SETD2: variants seen among roughly 807,000 people sequenced by gnomAD.
SETD2 encodes histone-lysine N-methyltransferase SETD2.
A neutral mutation model predicts 242.1 loss-of-function variants in SETD2; 31 were observed. That is an observed-to-expected ratio of 0.13 (90% confidence interval 0.10 to 0.17). The LOEUF (loss-of-function observed/expected upper bound fraction) is 0.17, where lower values mean the gene tolerates loss of function less well. Ranked by LOEUF, SETD2 falls within the 10% of genes least tolerant of loss-of-function variation. The probability of loss-of-function intolerance (pLI) is 1.00; values close to 1 mark genes in which losing one functional copy is unlikely to be tolerated. For missense variants in SETD2, 2,481 were observed against 3,046.3 expected (o/e 0.81, Z 4.37); for synonymous variants, 1,006 against 1,066.5 (o/e 0.94, Z 1.11).
intron 14 of SETD2, among the ~76,000 whole-genome samples, chr3:47,058,829 C>G (rs2040199395): frequency 6.6e-6 from 1 of 151,570 alleles, no homozygotes; most frequent in South Asian, 2.1e-4. Context: ...GAGTCTCACT[C>G]TGTTGCCCAG....
rs757428064 is a variant in SETD2, at chr3:47,086,234, T to C, written c.5358A>G (p.Leu1786=). 35 of 1,613,166 alleles carry C rather than the reference T, an allele frequency of 2.2e-5. 1 individual carries two copies. The highest frequency in any genetic ancestry group is 2.2e-5 in the East Asian group (1 of 44,852). The change falls in exon 11 of 21, where the codon CTA becomes CTG. Residue 1786 remains leucine, a synonymous_variant. Coordinates refer to ENST00000409792, the MANE Select transcript of SETD2 (RefSeq NM_014159.7). ...TCTGGTTACTTTCCCGGCCGTCACC[T>C]AGCTCTGCCATCCAGATCCACAACA... ...LSLLWIWMAE[L]GDGRESNQKL...
chr3:47,140,877 A>T (rs1300977845), intron 1 of SETD2, among the ~76,000 whole-genome samples: 1 of 152,138 alleles, frequency 6.6e-6, no homozygotes, highest in African/African-American at 2.4e-5. Context: ...AAAAAATTAA[A>T]ATTAAAATTA....
At chr3:47,049,745 T>TTA (rs1553682292) in intron 15 of SETD2, among the ~76,000 whole-genome samples, 2 of 39,380 alleles carry the variant, frequency 5.1e-5, no homozygotes, top group Non-Finnish European at 1.2e-4. Context: ...ATATTATATA[T>TTA]TATATATATA....
intron 1 of SETD2, among the ~76,000 whole-genome samples, chr3:47,137,908 C>T (rs959208603): frequency 4.6e-5 from 7 of 151,794 alleles, no homozygotes; most frequent in Admixed American, 3.9e-4. Flanking sequence ...AGGCTGGTCT[C>T]GAACTCCTGA....
intron 12 of SETD2, among the ~76,000 whole-genome samples, chr3:47,077,715 G>T (rs1412148169): frequency 6.6e-6 from 1 of 152,170 alleles, no homozygotes; most frequent in African/African-American, 2.4e-5. Flanking sequence ...CCAACGCGAG[G>T]AACAAGAGAT....
In SETD2 at chr3:47,123,841, T is replaced by C; in HGVS notation, c.795A>G (p.Glu265=). The change falls in exon 3 of 21, where the codon GAA becomes GAG. Residue 265 remains glutamate, a synonymous_variant. Transcript: ENST00000409792. ...KQDTISNSLE[E]HVTQILNEQA... ...GCTCATTCAATATTTGAGTTACGTG[T>C]TCTTCTAAACTATTAGATATAGTGT... The C allele has an allele frequency of 6.5e-7, 1 of 1,549,092 alleles. No individual in the cohort carries two copies. The highest frequency in any genetic ancestry group is 1.4e-5 in the African/African-American group (1 of 73,036).
intron 1 of SETD2, among the ~76,000 whole-genome samples, chr3:47,158,224 T>C (rs561957095): frequency 6.6e-6 from 1 of 152,232 alleles, no homozygotes. Flanking sequence ...CAATGTGTCA[T>C]ATTGCTTAGT....
intron 5 of SETD2, among the ~76,000 whole-genome samples, chr3:47,111,079 T>TAAAAAAAAAAAAAAAAAAAAAAAAA: frequency 1.3e-5 from 1 of 78,816 alleles, no homozygotes; most frequent in Non-Finnish European, 2.3e-5. Flanking sequence ...GTGGTTCCTT[T>TAAAAAAAAAAAAAAAAAAAAAAAAA]AAAAAAAAAA....
chr3:47,118,438 T>C (rs1459652401), intron 3 of SETD2, among the ~76,000 whole-genome samples: 1 of 152,108 alleles, frequency 6.6e-6, no homozygotes, highest in Admixed American at 6.5e-5. Context: ...TTTGAATATA[T>C]AGGCCAGGCG....
Position 47,063,441 on chromosome 3 carries a change from C to A in SETD2, c.6110-1095G>T, listed in dbSNP as rs542408804. 7.9e-5 allele frequency among the ~76,000 whole-genome samples: 12 copies of A among 152,212 alleles called. No homozygotes were observed. In the East Asian group the frequency reaches 2.3e-3, roughly 29 times the overall value. On this transcript the variant is annotated intron_variant, in intron 13 of 20. Transcript: ENST00000409792. ...GCAATGAGCTCTGTTTACACCACTG[C>A]GCTTCAGCCTGGGCAACAGAGCAAG...
intron 15 of SETD2, among the ~76,000 whole-genome samples, chr3:47,052,156 C>A (rs756770313): frequency 6.6e-6 from 1 of 152,022 alleles, no homozygotes; most frequent in Non-Finnish European, 1.5e-5. Flanking sequence ...AAAACCTATA[C>A]GAGATTTTTG....
At chr3:47,052,667 A>G (rs539260896) in intron 15 of SETD2, among the ~76,000 whole-genome samples, 30 of 151,994 alleles carry the variant, frequency 2.0e-4, no homozygotes, top group African/African-American at 7.2e-4. Flanking sequence ...AAATACAAAA[A>G]ATTAGCTAGG....
intron 15 of SETD2, among the ~76,000 whole-genome samples, chr3:47,053,406 GA>G (rs1030707106): frequency 3.3e-5 from 5 of 152,094 alleles, no homozygotes; most frequent in African/African-American, 1.2e-4. Context: ...AACCTAAAAT[GA>G]AAAATTATAG....
In SETD2 at chr3:47,077,921, T is replaced by C. The variant is rs536219806; in HGVS notation, c.6060+5799A>G. Among the ~76,000 whole-genome samples the C allele has an allele frequency of 1.8e-3, 279 of 152,340 alleles. 1 individual carries two copies. Among genetic ancestry groups the C allele is most frequent in the African/African-American group, 6.2e-3 (256 of 41,576 alleles). On this transcript the variant is annotated intron_variant, in intron 12 of 20. Transcript: ENST00000409792. Reference sequence around the variant, plus strand: ...AGTAAATAATGAAGTTAATGGATTATAATCTATTGGGTAAAATAAGAATCT... The same window carrying C: ...AGTAAATAATGAAGTTAATGGATTACAATCTATTGGGTAAAATAAGAATCT...
In SETD2 at chr3:47,088,279, A is replaced by AAAC. The variant is rs747283239; in HGVS notation, c.5143-35_5143-33dup. 406 of 1,568,470 alleles carry AAAC rather than the reference A, an allele frequency of 2.6e-4. No homozygotes were observed. The African/African-American group carries it at 4.6e-3, about 18-fold the overall frequency. The stretch of plus-strand genomic sequence containing the variant: ...CAGCAAATAAAAATACCTTTTTATA[A>AAAC]AACAACAACAACAAAAAAAAAAACC... On this transcript the variant is annotated intron_variant, in intron 9 of 20. Coordinates refer to ENST00000409792, the MANE Select transcript of SETD2 (RefSeq NM_014159.7).
chr3:47,041,896 C>T (rs2039298291), intron 17 of SETD2, among the ~76,000 whole-genome samples: 1 of 152,138 alleles, frequency 6.6e-6, no homozygotes, highest in South Asian at 2.1e-4. Flanking sequence ...AATTGAACAG[C>T]AGAGTTGAGT....
intron 8 of SETD2, 133 bp downstream of exon 8, chr3:47,101,325 A>T (rs755529262): frequency 3.4e-6 from 2 of 586,192 alleles, no homozygotes; most frequent in South Asian, 5.1e-5. Context: ...CACAAAACCA[A>T]AACAATATCT....
intron 4 of SETD2, 136 bp from the exon 5 acceptor site, chr3:47,114,140 A>G: frequency 8.6e-6 from 7 of 811,616 alleles, no homozygotes; most frequent in Non-Finnish European, 1.3e-5. Flanking sequence ...CTAACCCCCA[A>G]CTAAGTCTTC....
rs201285612 is a variant in SETD2 at position 47,037,732 on chromosome 3, A to G, written c.7284T>C (p.Asp2428=). Residue 2428 remains aspartate, a synonymous_variant, in exon 18 of 21, where the codon GAT becomes GAC. Transcript: ENST00000409792. ...DPPTWESPGD[D]ASLEHEAEMD... ...TCTCAGCTTCATGCTCAAGGCTGGCATCATCTCCTGGGCTTTCCCAAGTAG... is the reference window on the plus strand; with the variant it reads ...TCTCAGCTTCATGCTCAAGGCTGGCGTCATCTCCTGGGCTTTCCCAAGTAG... The G allele has an allele frequency of 1.1e-4, 174 of 1,613,890 alleles. No individual in the cohort carries two copies. In the East Asian group the frequency reaches 3.9e-3, roughly 36 times the overall value.
Sources: allele counts gnomAD v4.1 joint callset (sites outside exome capture counted in the v4.1 genomes callset), GRCh38; gene constraint gnomAD v4.1.1; transcripts MANE v1.5; gene names NCBI Gene and HGNC (gene_info 2026-07-23, HGNC 2026-07-21).